Variants in SCAPER observed in about 807,000 individuals in gnomAD.
SCAPER encodes the protein S phase cyclin A-associated protein in the endoplasmic reticulum.
A neutral mutation model predicts 182.2 loss-of-function variants in SCAPER; 98 were observed. The observed-to-expected ratio is 0.54, with a 90% CI of 0.46 to 0.64. The LOEUF (loss-of-function observed/expected upper bound fraction) is 0.64. Among genes scored for constraint, SCAPER ranks in the 30% least tolerant of loss-of-function variants. The pLI is 0.00. For synonymous variants in SCAPER, 605 were observed against 564.6 expected, an observed-to-expected ratio of 1.07 and a Z score of -1.01; for missense variants, 1,432 against 1,690.0, an observed-to-expected ratio of 0.85 and a Z score of 2.68.
At chr15:76,899,186 C>T (rs1568433056) in intron 1 of SCAPER, among the ~76,000 whole-genome samples, 1 of 152,208 alleles carries the variant, frequency 6.6e-6, no homozygotes, top group Non-Finnish European at 1.5e-5. Flanking sequence ...CTCCCTCTTT[C>T]TATGGTCTCC....
At chr15:76,505,931 C>T (rs1287669246) in intron 23 of SCAPER, among the ~76,000 whole-genome samples, 1 of 152,108 alleles carries the variant, frequency 6.6e-6, no homozygotes, top group South Asian at 2.1e-4. Context: ...GAATGAGATC[C>T]TGTTATTTGC....
chr15:76,843,159 C>T (rs1478439940), intron 4 of SCAPER, among the ~76,000 whole-genome samples: 1 of 152,110 alleles, frequency 6.6e-6, no homozygotes, highest in African/African-American at 2.4e-5. Context: ...TAATTAAAAT[C>T]ATAAAGTATA....
At chr15:76,772,672 A>C (rs1430940257) in intron 9 of SCAPER, among the ~76,000 whole-genome samples, 1 of 151,966 alleles carries the variant, frequency 6.6e-6, no homozygotes, top group Admixed American at 6.6e-5. Flanking sequence ...CAGAAATGTA[A>C]ATACAATATA....
intron 17 of SCAPER, among the ~76,000 whole-genome samples, chr15:76,721,065 C>G (rs1029792263): frequency 1.3e-5 from 2 of 152,068 alleles, no homozygotes; most frequent in African/African-American, 4.8e-5. Context: ...TTAGGTCTAA[C>G]CTTTAAGTCT....
At chr15:76,687,444 T>C in intron 20 of SCAPER, among the ~76,000 whole-genome samples, 1 of 152,158 alleles carries the variant, frequency 6.6e-6, no homozygotes, top group East Asian at 1.9e-4. Context: ...ACATATACTC[T>C]TTTTTAAAAT....
At chr15:76,607,720 T>C (rs1466414463) in intron 22 of SCAPER, among the ~76,000 whole-genome samples, 1 of 152,114 alleles carries the variant, frequency 6.6e-6, no homozygotes, top group Non-Finnish European at 1.5e-5. Context: ...TCATTTCTTT[T>C]TACTCTTTTT....
At chr15:76,484,456 C>T (rs1451412185) in intron 24 of SCAPER, among the ~76,000 whole-genome samples, 1 of 152,052 alleles carries the variant, frequency 6.6e-6, no homozygotes, top group Admixed American at 6.6e-5. Context: ...AAATGGAATC[C>T]CTGAACAGAC....
chr15:76,553,887 T>C (rs986421607), intron 23 of SCAPER, among the ~76,000 whole-genome samples: 2 of 152,202 alleles, frequency 1.3e-5, no homozygotes, highest in African/African-American at 4.8e-5. Context: ...GAGAAAGAAC[T>C]AGTGCAAGAA....
At chr15:76,658,328 T>A (rs2055844229) in intron 21 of SCAPER, among the ~76,000 whole-genome samples, 2 of 151,960 alleles carry the variant, frequency 1.3e-5, no homozygotes, top group East Asian at 3.9e-4. Flanking sequence ...CAAAAAAGAA[T>A]GAAATACCTA....
At chr15:76,473,893 C>A (rs1247480567) in intron 24 of SCAPER, among the ~76,000 whole-genome samples, 1 of 152,100 alleles carries the variant, frequency 6.6e-6, no homozygotes, top group Non-Finnish European at 1.5e-5. Context: ...ACCTCTGACT[C>A]CTGGGTTCAA....
At chr15:76,756,005 G>A (rs776679856) in intron 14 of SCAPER, among the ~76,000 whole-genome samples, 1 of 152,126 alleles carries the variant, frequency 6.6e-6, no homozygotes, top group Non-Finnish European at 1.5e-5. Context: ...TGTAATCCCA[G>A]TATTTGGGAG....
intron 14 of SCAPER, among the ~76,000 whole-genome samples, chr15:76,757,455 TACACACACACAC>T (rs67231689): frequency 6.6e-6 from 1 of 150,410 alleles, no homozygotes; most frequent in Non-Finnish European, 1.5e-5. Flanking sequence ...GTTTTATATA[TACACACACACAC>T]ACACACACAC....
chr15:76,767,366 ATAAATAACAGG>A (rs1238680386), intron 10 of SCAPER, among the ~76,000 whole-genome samples: 1 of 152,174 alleles, frequency 6.6e-6, no homozygotes, highest in Non-Finnish European at 1.5e-5. Context: ...GTGAAATTAT[ATAAATAACAGG>A]TAGTGTGAAT....
intron 29 of SCAPER, among the ~76,000 whole-genome samples, chr15:76,362,192 C>T (rs545549454): frequency 3.1e-4 from 47 of 150,536 alleles, no homozygotes; most frequent in African/African-American, 9.5e-4. Context: ...AGGCTGGTCT[C>T]GAACTCCTGA....
At chr15:76,694,455 T>C (rs2058545925) in intron 20 of SCAPER, among the ~76,000 whole-genome samples, 1 of 152,152 alleles carries the variant, frequency 6.6e-6, no homozygotes, top group Non-Finnish European at 1.5e-5. Context: ...TGCATTAATA[T>C]ACAAATCATT....
At chr15:76,460,506 A>T (rs2049084502) in intron 25 of SCAPER, among the ~76,000 whole-genome samples, 1 of 152,124 alleles carries the variant, frequency 6.6e-6, no homozygotes, top group African/African-American at 2.4e-5. Context: ...GCAAATGGGG[A>T]CAATTTAACT....
intron 4 of SCAPER, among the ~76,000 whole-genome samples, chr15:76,842,936 CA>C (rs959959667): frequency 1.3e-5 from 2 of 152,194 alleles, no homozygotes; most frequent in Admixed American, 6.5e-5. Flanking sequence ...ATATACCATT[CA>C]AAGTTAAAAT....
chr15:76,511,843 A>ATGTGTGTGTGTGTGTGTGTGTGTG (rs1555461783), intron 23 of SCAPER, among the ~76,000 whole-genome samples: 4 of 123,288 alleles, frequency 3.2e-5, no homozygotes, highest in African/African-American at 1.3e-4. Flanking sequence ...ATATATATAT[A>ATGTGTGTGTGTGTGTGTGTGTGTG]TGTGTGTGTG....
intron 20 of SCAPER, among the ~76,000 whole-genome samples, chr15:76,685,629 T>C (rs1414909660): frequency 6.6e-6 from 1 of 152,122 alleles, no homozygotes; most frequent in Non-Finnish European, 1.5e-5. Flanking sequence ...ATCAGGAAGA[T>C]GTGAATTATT....
Sources: allele counts gnomAD v4.1 joint callset (sites outside exome capture counted in the v4.1 genomes callset), GRCh38; gene constraint gnomAD v4.1.1; transcripts MANE v1.5; gene names NCBI Gene and HGNC (gene_info 2026-07-23, HGNC 2026-07-21).